PAN3: variants seen among roughly 807,000 people sequenced by gnomAD.
The protein encoded by PAN3 is poly(A) specific ribonuclease subunit PAN3.
In PAN3, 19 loss-of-function variants were observed where a neutral mutation model predicts 96.2. The observed-to-expected ratio is 0.20, with a 90% CI of 0.14 to 0.29. The LOEUF is 0.29. Among genes scored for constraint, PAN3 ranks in the 10% least tolerant of loss-of-function variants. The pLI is 1.00. For synonymous variants in PAN3, 433 were observed against 406.6 expected (o/e 1.06, Z -0.78); for missense variants, 882 against 1,108.1 (o/e 0.80, Z 2.90).
At chr13:28,140,918 G>A (rs770069472) in intron 1 of PAN3, among the ~76,000 whole-genome samples, 11 of 151,888 alleles carry the variant, frequency 7.2e-5, no homozygotes, top group Non-Finnish European at 1.6e-4. Context: ...AGTTTTGCTG[G>A]ATGTGTGAGT....
chr13:28,173,156 A>G (rs1874521162), intron 1 of PAN3, among the ~76,000 whole-genome samples: 2 of 152,246 alleles, frequency 1.3e-5, no homozygotes, highest in African/African-American at 4.8e-5. Flanking sequence ...ACTTACGGCA[A>G]TAGCAGGCAG....
chr13:28,187,544 A>T (rs375748869), intron 4 of PAN3, among the ~76,000 whole-genome samples: 3 of 152,212 alleles, frequency 2.0e-5, no homozygotes, highest in African/African-American at 7.2e-5. Flanking sequence ...CCTTTGTAAC[A>T]CTGAGATTTT....
chr13:28,220,234 C>T lies in PAN3; in HGVS notation c.856C>T (p.Pro286Ser). 1 of 1,611,654 alleles carries T rather than the reference C, an allele frequency of 6.2e-7. No individual in the cohort carries two copies. The highest frequency in any genetic ancestry group is 1.1e-5 in the South Asian group (1 of 90,756). ...NRVTENNLQT[P>S]NPTASEFIPK... ...ACTATATTTGATTTTTAAATAGACA[C>T]CAAATCCTACTGCAAGCGAGTTTAT... Residue 286 changes from proline (P) to serine (S), a missense_variant, in exon 6 of 19, where the codon CCA becomes TCA. Coordinates refer to ENST00000380958, the MANE Select transcript of PAN3 (RefSeq NM_175854.8).
At chr13:28,139,199 T>C (rs1442210062) in intron 1 of PAN3, 112 bp downstream of exon 1, 4 of 1,170,546 alleles carry the variant, frequency 3.4e-6, no homozygotes, top group Non-Finnish European at 4.3e-6. Context: ...CCCCCTCACC[T>C]CCCAAGGCGG....
chr13:28,228,695 A>G (rs1393829698), intron 6 of PAN3, among the ~76,000 whole-genome samples: 1 of 152,164 alleles, frequency 6.6e-6, no homozygotes, highest in Non-Finnish European at 1.5e-5. Context: ...TTAAGATTAA[A>G]TATATTAACA....
At chr13:28,291,275 T>C (rs1869713875) in intron 18 of PAN3, among the ~76,000 whole-genome samples, 1 of 152,080 alleles carries the variant, frequency 6.6e-6, no homozygotes, top group African/African-American at 2.4e-5. Flanking sequence ...ATAAAGTACA[T>C]TGAAAATAAC....
chr13:28,153,338 C>T (rs1302546360), intron 1 of PAN3, among the ~76,000 whole-genome samples: 1 of 146,460 alleles, frequency 6.8e-6, no homozygotes, highest in East Asian at 2.1e-4. Flanking sequence ...TGGGTTCAAG[C>T]GATTCTCCTG....
At position 28,292,726 on chromosome 13, in the gene PAN3, G is replaced by A. The variant is rs868317125; in HGVS notation, c.*204G>A. The A allele has an allele frequency of 9.1e-5, 36 of 396,920 alleles. No individual in the cohort carries two copies. The highest frequency in any genetic ancestry group is 1.5e-4 in the Non-Finnish European group (34 of 227,922). 24.6% of individuals were successfully genotyped at this position (396,920 alleles called of 1,614,324 possible). A position where few individuals can be genotyped will look rare whatever the true frequency, so the allele number is the denominator to read the frequency against. On this transcript the variant is annotated 3_prime_UTR_variant, in exon 19 of 19. Transcript: ENST00000380958. ...AGAGCTATGGCTGCCATTGGAGGCT[G>A]TTATCTGTGAAGAATTTATTTTAGA...
intron 6 of PAN3, among the ~76,000 whole-genome samples, chr13:28,253,754 C>T (rs1484161375): frequency 6.6e-6 from 1 of 152,088 alleles, no homozygotes; most frequent in Admixed American, 6.5e-5. Context: ...GGACTACAGG[C>T]TCACACCACT....
At chr13:28,216,933 T>C (rs1485022087) in intron 5 of PAN3, among the ~76,000 whole-genome samples, 2 of 151,340 alleles carry the variant, frequency 1.3e-5, no homozygotes, top group African/African-American at 4.9e-5. Flanking sequence ...CCAGCCAACA[T>C]GGTGAAACCC....
chr13:28,291,651 G>A (rs374266638), intron 18 of PAN3, among the ~76,000 whole-genome samples: 2 of 152,080 alleles, frequency 1.3e-5, no homozygotes, highest in African/African-American at 2.4e-5. Context: ...CCAACATGGC[G>A]AAACCCCGTC....
intron 6 of PAN3, among the ~76,000 whole-genome samples, chr13:28,224,037 T>A (rs186863914): frequency 0.02 from 2,957 of 150,862 alleles, 52 homozygotes; most frequent in Non-Finnish European, 0.028. Context: ...CCCGGCTAAT[T>A]TTTTTTTGTA....
intron 1 of PAN3, among the ~76,000 whole-genome samples, chr13:28,154,891 G>A (rs1566141360): frequency 6.6e-6 from 1 of 150,532 alleles, no homozygotes; most frequent in Non-Finnish European, 1.5e-5. Context: ...CGCGATCTCG[G>A]CTCACTGCAA....
intron 5 of PAN3, among the ~76,000 whole-genome samples, chr13:28,200,831 A>C (rs1878604525): frequency 6.6e-6 from 1 of 152,170 alleles, no homozygotes; most frequent in African/African-American, 2.4e-5. Flanking sequence ...GCAGTCGGGA[A>C]CCTTTGGAAT....
intron 5 of PAN3, among the ~76,000 whole-genome samples, chr13:28,213,388 C>T (rs982034702): frequency 6.6e-6 from 1 of 151,874 alleles, no homozygotes; most frequent in East Asian, 1.9e-4. Flanking sequence ...TGATTTCTCA[C>T]TGGAAATAAT....
chr13:28,208,087 T>G (rs1664176915), intron 5 of PAN3, among the ~76,000 whole-genome samples: 1 of 152,196 alleles, frequency 6.6e-6, no homozygotes, highest in African/African-American at 2.4e-5. Flanking sequence ...TGGTACAGTT[T>G]CATTAAATAA....
At chr13:28,144,718 C>CT (rs1555267660) in intron 1 of PAN3, among the ~76,000 whole-genome samples, 5 of 46,778 alleles carry the variant, frequency 1.1e-4, no homozygotes, top group Admixed American at 3.1e-4. Flanking sequence ...AAAACATCAT[C>CT]TTTTTTTTTT....
chr13:28,216,562 A>G (rs1274814612), intron 5 of PAN3, among the ~76,000 whole-genome samples: 1 of 152,224 alleles, frequency 6.6e-6, no homozygotes, highest in Non-Finnish European at 1.5e-5. Flanking sequence ...AAGATTACTG[A>G]TACCAATTTA....
chr13:28,174,252 G>T lies in PAN3; in HGVS notation c.431-20G>T. 6.2e-7 allele frequency: 1 copy of T among 1,602,004 alleles called. No individual in the cohort carries two copies. The highest frequency in any genetic ancestry group is 1.1e-5 in the South Asian group (1 of 89,280). On this transcript the variant is annotated intron_variant, in intron 1 of 18. Coordinates refer to ENST00000380958, the MANE Select transcript of PAN3 (RefSeq NM_175854.8). Reference sequence around the variant, plus strand: ...TCCTCTGAAATAATTTTAAATACTTGAATTTTCCTTCTCTTTCAGTTCCAG... The same window carrying T: ...TCCTCTGAAATAATTTTAAATACTTTAATTTTCCTTCTCTTTCAGTTCCAG...
Sources: gnomAD v4.1 joint callset for allele counts (sites outside exome capture counted in the v4.1 genomes callset) on GRCh38, gnomAD v4.1.1 for gene constraint, MANE v1.5 for transcripts, NCBI Gene and HGNC (gene_info 2026-07-23, HGNC 2026-07-21) for gene names.